The following WNK1 variants were observed in gnomAD, a reference collection of about 807,000 sequenced individuals.
The protein encoded by WNK1 is WNK lysine deficient protein kinase 1.
In WNK1, 38 loss-of-function variants were observed where a neutral mutation model predicts 222.8. The ratio of observed to expected loss-of-function variants is 0.17; its 90% CI spans 0.13 to 0.22. The LOEUF is 0.22. WNK1 is among the 10% of genes least tolerant of loss of function. The pLI, the probability that WNK1 is intolerant of heterozygous loss-of-function variation, is 1.00. For missense variants in WNK1, 2,348 were observed against 2,918.4 expected (o/e 0.80, Z 4.50); for synonymous variants, 1,090 against 1,092.9 (o/e 1.00, Z 0.05).
At chr12:773,247 A>C (rs1188858514) in intron 1 of WNK1, among the ~76,000 whole-genome samples, 1 of 151,994 alleles carries the variant, frequency 6.6e-6, no homozygotes, top group Non-Finnish European at 1.5e-5. Flanking sequence ...AATAAGAGCA[A>C]AACTCCATCT....
intron 14 of WNK1, 83 bp downstream of exon 14, chr12:882,156 C>A: frequency 7.1e-7 from 1 of 1,405,710 alleles, no homozygotes; most frequent in Non-Finnish European, 9.8e-7. Context: ...AAATCCAAAC[C>A]ACTCACTTCA....
intron 1 of WNK1, among the ~76,000 whole-genome samples, chr12:797,511 G>A (rs1945425682): frequency 6.6e-6 from 1 of 152,156 alleles, no homozygotes; most frequent in Non-Finnish European, 1.5e-5. Flanking sequence ...ATGATAGTAT[G>A]CAAATTATCG....
intron 8 of WNK1, among the ~76,000 whole-genome samples, chr12:864,874 C>T (rs1307349062): frequency 6.6e-6 from 1 of 151,978 alleles, no homozygotes; most frequent in East Asian, 1.9e-4. Flanking sequence ...TGATCATTAT[C>T]ATGATCATTC....
intron 1 of WNK1, among the ~76,000 whole-genome samples, chr12:792,531 G>C (rs1944943499): frequency 6.6e-6 from 1 of 151,842 alleles, no homozygotes; most frequent in Admixed American, 6.6e-5. Context: ...GGCCAGCCTG[G>C]TCTAGAACTC....
At chr12:805,269 A>G (rs1298467381) in intron 1 of WNK1, among the ~76,000 whole-genome samples, 3 of 152,140 alleles carry the variant, frequency 2.0e-5, no homozygotes, top group Non-Finnish European at 2.9e-5. Context: ...CTTTGTCCAC[A>G]TCCTTGCCAA....
chr12:886,158 T>C (rs1592178336), intron 19 of WNK1, 74 bp downstream of exon 19: 2 of 1,295,026 alleles, frequency 1.5e-6, no homozygotes, highest in East Asian at 5.1e-5. Context: ...CATTTTTCAC[T>C]TCAGCCTTGT....
At chr12:892,138 C>T (rs1457995374) in intron 22 of WNK1, among the ~76,000 whole-genome samples, 1 of 148,592 alleles carries the variant, frequency 6.7e-6, no homozygotes, top group Non-Finnish European at 1.5e-5. Context: ...AGGTTTGTTA[C>T]ATATGTATAC....
In WNK1 at chr12:885,416, A is replaced by G. The variant is rs749867274; in HGVS notation, c.4612A>G (p.Thr1538Ala). Residue 1538 changes from threonine (T) to alanine (A), a missense_variant, in exon 19 of 28, where the codon ACT becomes GCT. By Grantham distance (58) the Thr-to-Ala change is moderately conservative (BLOSUM62 0). This residue lies in a region of WNK1 where 1,144 missense variants were observed against 1,273.6 expected (regional missense o/e 0.90). Transcript: ENST00000315939. ...AGATAAGACATCTCATAGCAGTACA[A>G]CTGGATTGGCTTTCTCCCTCTCTGC... ...SLDKTSHSST[T>A]GLAFSLSAPS... 3.7e-6 allele frequency: 6 copies of G among 1,613,562 alleles called. No homozygotes were observed. Among genetic ancestry groups the G allele is most frequent in the Middle Eastern group, 3.3e-4 (2 of 6,084 alleles).
chr12:860,379 C>G (rs1951113225), intron 6 of WNK1, among the ~76,000 whole-genome samples: 1 of 152,200 alleles, frequency 6.6e-6, no homozygotes, highest in Admixed American at 6.5e-5. Flanking sequence ...CAAATTTATG[C>G]TTGCCATAGT....
intron 1 of WNK1, among the ~76,000 whole-genome samples, chr12:805,109 G>C (rs1946255855): frequency 6.6e-6 from 1 of 152,050 alleles, no homozygotes; most frequent in South Asian, 2.1e-4. Flanking sequence ...ATCTGTTGGA[G>C]TGCCTGCTTT....
chr12:893,031 G>A (rs1044745334), intron 22 of WNK1, among the ~76,000 whole-genome samples: 2 of 152,162 alleles, frequency 1.3e-5, no homozygotes, highest in African/African-American at 4.8e-5. Context: ...AAAGCAGGTG[G>A]ATTGCTTGAG....
intron 2 of WNK1, among the ~76,000 whole-genome samples, chr12:819,606 G>T (rs1044648780): frequency 1.3e-5 from 2 of 152,102 alleles, no homozygotes; most frequent in South Asian, 2.1e-4. Context: ...TTTGATGGTT[G>T]GGCTTTTGGT....
In WNK1 at chr12:882,426, T is replaced by C. The variant is rs959924254; in HGVS notation, c.3372+353T>C. On this transcript the variant is annotated intron_variant, in intron 14 of 27. Transcript: ENST00000315939. ...ATTGGTCAGGCTGGTTTCAAACTCC[T>C]GACCTCAGGTGACTCACCTGCCTCA... Among the ~76,000 whole-genome samples the C allele has an allele frequency of 4.6e-5, 7 of 152,168 alleles. No homozygotes were observed. In the East Asian group the frequency reaches 5.8e-4, roughly 13 times the overall value.
chr12:791,256 CAT>C (rs71293137), intron 1 of WNK1, among the ~76,000 whole-genome samples: 109 of 150,268 alleles, frequency 7.3e-4, no homozygotes, highest in Middle Eastern at 3.4e-3. Context: ...CACACACACA[CAT>C]ACACAAAATT....
At chr12:895,700 C>T in intron 23 of WNK1, among the ~76,000 whole-genome samples, 1 of 152,198 alleles carries the variant, frequency 6.6e-6, no homozygotes, top group East Asian at 1.9e-4. Flanking sequence ...CTCAAGTGAT[C>T]CACCTGCTTC....
chr12:854,653 C>T (rs1950647731), intron 4 of WNK1, among the ~76,000 whole-genome samples: 2 of 152,128 alleles, frequency 1.3e-5, no homozygotes, highest in South Asian at 2.1e-4. Context: ...TGGCCAAGAA[C>T]TTATCTTTAC....
At position 896,329 on chromosome 12, in the gene WNK1, G is replaced by A. The variant is rs774379842; in HGVS notation, c.5842G>A (p.Val1948Met). ...GQPTKVGRFQ[V>M]TTTANKVGRF... The stretch of plus-strand genomic sequence containing the variant: ...GCCTACCAAGGTTGGACGTTTTCAG[G>A]TGACAACTACAGCAAACAAAGTGGG... Residue 1948 changes from valine (V) to methionine (M), a missense_variant, in exon 24 of 28, where the codon GTG (valine) becomes ATG (methionine). Val to Met is a conservative substitution (Grantham distance 21). Around this residue, in one of 13 missense-constraint regions of WNK1, gnomAD observed 1,144 missense variants for 1,273.6 expected, o/e 0.90. Coordinates refer to ENST00000315939, the MANE Select transcript of WNK1 (RefSeq NM_018979.4). 2.5e-6 allele frequency: 4 copies of A among 1,614,094 alleles called. No homozygotes were observed. The highest frequency in any genetic ancestry group is 2.7e-5 in the African/African-American group (2 of 74,930).
rs765331412 is a variant in WNK1, at chr12:861,078, A to G, written c.1686A>G (p.Val562=). The part of the protein sequence containing the change: ...KTMAKAIKDR[V]SLIKRKREQR... ...TGGCTAAAGCTATCAAAGACAGAGT[A>G]TCATTAATTAAGAGGAAACGAGAGC... is the stretch of plus-strand genomic sequence containing the variant. The change falls in exon 7 of 28, where the codon GTA becomes GTG. Residue 562 remains valine, a synonymous_variant. Coordinates refer to ENST00000315939, the MANE Select transcript of WNK1 (RefSeq NM_018979.4). 3 of 1,613,934 alleles carry G rather than the reference A, an allele frequency of 1.9e-6. No homozygotes were observed. The highest frequency in any genetic ancestry group is 1.3e-5 in the African/African-American group (1 of 74,878).
intron 6 of WNK1, among the ~76,000 whole-genome samples, chr12:860,376 A>T (rs964104144): frequency 1.3e-5 from 2 of 152,232 alleles, no homozygotes; most frequent in African/African-American, 4.8e-5. Context: ...CCCCAAATTT[A>T]TGCTTGCCAT....
Sources: allele counts gnomAD v4.1 joint callset (sites outside exome capture counted in the v4.1 genomes callset), GRCh38; gene constraint gnomAD v4.1.1; regional missense constraint gnomAD v4.1.1; transcripts MANE v1.5; gene names NCBI Gene and HGNC (gene_info 2026-07-23, HGNC 2026-07-21).